NEB: variants seen among roughly 807,000 people sequenced by gnomAD.
NEB encodes nemaline myopathy type 2.
NEB carries 512 observed loss-of-function variants against 952.2 expected under a neutral mutation model. The observed-to-expected ratio is 0.54, with a 90% CI of 0.50 to 0.58. NEB has a LOEUF of 0.58. Among genes scored for constraint, NEB ranks in the 20% least tolerant of loss-of-function variants. The pLI is 0.00. For missense variants in NEB, 8,428 were observed against 9,231.1 expected (o/e 0.91, Z 3.56); for synonymous variants, 2,900 against 3,149.8 (o/e 0.92, Z 2.66).
intron 75 of NEB, 109 bp downstream of exon 75, chr2:151,617,254 TG>T: frequency 1.6e-6 from 1 of 631,828 alleles, no homozygotes. Flanking sequence ...CTACTGAAAA[TG>T]GTAGTTTGTA....
At chr2:151,637,700 G>C (rs2098788713) in intron 63 of NEB, among the ~76,000 whole-genome samples, 1 of 152,128 alleles carries the variant, frequency 6.6e-6, no homozygotes, top group Admixed American at 6.5e-5. Flanking sequence ...CTAGACACAG[G>C]GGGAGCCCTT....
chr2:151,496,985 G>C lies in NEB; in HGVS notation c.24349C>G (p.Pro8117Ala). 6.3e-7 allele frequency: 1 copy of C among 1,581,472 alleles called. No homozygotes were observed. The highest frequency in any genetic ancestry group is 8.6e-7 in the Non-Finnish European group (1 of 1,161,676). ...TTGTGTTTGACTCTCTCCATCTCAG[G>C]AGTGACAGGTAGAGGGGTTCCCTTG... Reference protein sequence around the residue: ...MGKGTPLPVTPEMERVKHNQE... With the variant: ...MGKGTPLPVTAEMERVKHNQE... Residue 8117 changes from proline to alanine, a missense_variant, in exon 172 of 182, where the codon CCT becomes GCT. Transcript: ENST00000397345.
chr2:151,691,518 T>G (rs1347471450), intron 23 of NEB, among the ~76,000 whole-genome samples: 1 of 152,234 alleles, frequency 6.6e-6, no homozygotes, highest in Non-Finnish European at 1.5e-5. Flanking sequence ...GCTTTTTCTC[T>G]GTCTTTCTCA....
intron 60 of NEB, among the ~76,000 whole-genome samples, chr2:151,641,208 C>T (rs1033269861): frequency 1.2e-4 from 19 of 152,226 alleles, no homozygotes; most frequent in African/African-American, 4.3e-4. Flanking sequence ...TGTTATGATT[C>T]GTGTGTGAGA....
chr2:151,542,768 GAC>G (rs2094221959), intron 135 of NEB, among the ~76,000 whole-genome samples: 1 of 152,156 alleles, frequency 6.6e-6, no homozygotes, highest in Non-Finnish European at 1.5e-5. Context: ...AAAAGTCTGA[GAC>G]ACATATTTTC....
chr2:151,682,813 C>T lies in NEB; in HGVS notation c.2836-44G>A, dbSNP rs748063124. 6.6e-6 allele frequency: 10 copies of T among 1,505,010 alleles called. No homozygotes were observed. The South Asian group carries it at 9.5e-5, about 14-fold the overall frequency. The allele number at this position is 1,505,010 out of a possible 1,614,324, so 93.2% of individuals were successfully genotyped here. On this transcript the variant is annotated intron_variant, in intron 28 of 181. Transcript: ENST00000397345. ...GGTTACATTTCTTTGCTGTGTCATC[C>T]TCATTATGTAAAATCATCAAAGTTT...
intron 84 of NEB, 83 bp from the exon 85 acceptor site, chr2:151,604,954 T>C (rs2097634826): frequency 2.0e-6 from 1 of 509,020 alleles, no homozygotes; most frequent in Non-Finnish European, 3.4e-6. Context: ...GGTTTCAGTA[T>C]GTTTTCTTAG....
intron 161 of NEB, among the ~76,000 whole-genome samples, chr2:151,512,186 A>G (rs2075016160): frequency 6.6e-6 from 1 of 151,728 alleles, no homozygotes; most frequent in Admixed American, 6.6e-5. Context: ...GCCTGCCACC[A>G]CGCCCGGCTA....
At chr2:151,493,984 T>G in intron 174 of NEB, 117 bp from the exon 175 acceptor site, 2 of 907,694 alleles carry the variant, frequency 2.2e-6, no homozygotes. Flanking sequence ...AGAACACCTC[T>G]CAAGAAGAAA....
At chr2:151,656,485 T>C (rs1315704712) in intron 48 of NEB, 21 bp from the exon 49 acceptor site, 1 of 1,530,580 alleles carries the variant, frequency 6.5e-7, no homozygotes, top group Non-Finnish European at 8.9e-7. Context: ...AATATGAGTT[T>C]TTACACAGAG....
rs2085548955 is a variant in NEB, at chr2:151,525,964, G to A, written c.22155C>T (p.Val7385=). The change falls in exon 150 of 182, where the codon GTC becomes GTT. Residue 7385 remains valine, a synonymous_variant. Coordinates refer to ENST00000397345, the MANE Select transcript of NEB (RefSeq NM_001164508.2). ...TVHVKEVTKH[V]SDTNYKKKFV... ...CCGGTGGTTGATCACTTACATCACT[G>A]ACATGCTTGGTCACTTCCTTGACGT... The A allele has an allele frequency of 6.2e-7, 1 of 1,613,194 alleles. No homozygotes were observed. Among genetic ancestry groups the A allele is most frequent in the Non-Finnish European group, 8.5e-7 (1 of 1,179,140 alleles).
At chr2:151,636,166 T>A (rs2098759910) in intron 64 of NEB, 61 bp downstream of exon 64, 2 of 1,369,154 alleles carry the variant, frequency 1.5e-6, no homozygotes, top group East Asian at 2.3e-5. Flanking sequence ...TTCTAAGATT[T>A]AGTTCAGTGA....
chr2:151,630,721 G>A lies in NEB; in HGVS notation c.9717C>T (p.Tyr3239=). The part of the protein sequence containing the change: ...IMLARQNKIN[Y]SETLYKLANE... The stretch of plus-strand genomic sequence containing the variant: ...CACAGATTTTTGCTCCTACCTCACT[G>A]TAGTTGATTTTGTTCTGCCTTGCCA... Residue 3239 remains tyrosine (Y), a synonymous_variant, in exon 67 of 182, where the codon TAC becomes TAT. Transcript: ENST00000397345. 1 of 1,604,524 alleles carries A rather than the reference G, an allele frequency of 6.2e-7. No homozygotes were observed. The highest frequency in any genetic ancestry group is 1.1e-5 in the South Asian group (1 of 89,374).
At chr2:151,649,459 C>T (rs1392465283) in intron 54 of NEB, among the ~76,000 whole-genome samples, 2 of 152,104 alleles carry the variant, frequency 1.3e-5, no homozygotes, top group African/African-American at 2.4e-5. Flanking sequence ...TTAGATCCTC[C>T]TAATAACAGA....
chr2:151,711,836 G>A (rs1482764260), intron 10 of NEB, among the ~76,000 whole-genome samples: 1 of 152,102 alleles, frequency 6.6e-6, no homozygotes, highest in Non-Finnish European at 1.5e-5. Flanking sequence ...CATCATAACA[G>A]AAAGAAACTC....
At position 151,684,506 on chromosome 2, in the gene NEB, A is replaced by C. The variant is rs145230109; in HGVS notation, c.2835+272T>G. ...TTGCATGCATTTACATCCTCCAAACAATGTTTTTGATTTATTTCCATTTTA... is the reference window on the plus strand; with the variant it reads ...TTGCATGCATTTACATCCTCCAAACCATGTTTTTGATTTATTTCCATTTTA... On this transcript the variant is annotated intron_variant, in intron 28 of 181. Transcript: ENST00000397345. 1.2e-3 allele frequency among the ~76,000 whole-genome samples: 186 copies of C among 152,274 alleles called. 2 individuals carry two copies. The highest frequency in any genetic ancestry group is 3.9e-3 in the African/African-American group (164 of 41,562).
rs751957350 is a variant in NEB at position 151,567,250 on chromosome 2, C to T, written c.18074G>A (p.Arg6025His). 9.9e-6 allele frequency: 16 copies of T among 1,613,684 alleles called. No individual in the cohort carries two copies. The highest frequency in any genetic ancestry group is 8.0e-5 in the African/African-American group (6 of 74,894). The change falls in exon 114 of 182, where the codon CGT becomes CAT. Residue 6025 changes from arginine to histidine, a missense_variant. Around this residue, in one of 11 missense-constraint regions of NEB, gnomAD observed 3,374 missense variants for 3,651.5 expected, o/e 0.92. Coordinates refer to ENST00000397345, the MANE Select transcript of NEB (RefSeq NM_001164508.2). ...GQTLVSDIDY[R>H]NYLHQWMCHP... is the part of the protein sequence containing the mutation. ...ACACATCCATTGGTGCAAGTAATTA[C>T]GATAATCAATATCACTGACAAGGGT...
intron 110 of NEB, 49 bp from the exon 111 acceptor site, chr2:151,568,765 G>A (rs2096524394): frequency 7.5e-7 from 1 of 1,324,952 alleles, no homozygotes; most frequent in South Asian, 1.3e-5. Flanking sequence ...CTAGACATGT[G>A]TGAACTGAGA....
At position 151,625,628 on chromosome 2, in the gene NEB, G is replaced by A; in HGVS notation, c.10358C>T (p.Thr3453Ile). The A allele has an allele frequency of 6.2e-7, 1 of 1,600,690 alleles. No homozygotes were observed. Among genetic ancestry groups the A allele is most frequent in the Non-Finnish European group, 8.5e-7 (1 of 1,170,954 alleles). ...GGTCTTGTCTTTGTCCCAGGCTTCT[G>A]TGTATAAGCGCTGTGAAGGATAAAA... ...NALNMNKRLY[T>I]EAWDKDKTQV... The change falls in exon 71 of 182, where the codon ACA becomes ATA. Residue 3453 changes from threonine (T) to isoleucine (I), a missense_variant. Coordinates refer to ENST00000397345, the MANE Select transcript of NEB (RefSeq NM_001164508.2).
Sources: allele counts gnomAD v4.1 joint callset (sites outside exome capture counted in the v4.1 genomes callset), GRCh38; gene constraint gnomAD v4.1.1; regional missense constraint gnomAD v4.1.1; transcripts MANE v1.5; gene names NCBI Gene and HGNC (gene_info 2026-07-23, HGNC 2026-07-21).